Variants in PRR33 observed in about 807,000 individuals in gnomAD.
PRR33 encodes proline rich 33, also known as proline-rich protein 33.
In PRR33, 1 loss-of-function variant was observed where a neutral mutation model predicts 0.5. That is an observed-to-expected ratio of 2.18 (90% CI 0.77 to 10.34). PRR33 has a LOEUF of 10.34. Ranked by LOEUF, PRR33 falls within the 30% of genes most tolerant of loss-of-function variation. The pLI, the probability that PRR33 is intolerant of heterozygous loss-of-function variation, is 0.13. For missense variants in PRR33, 552 were observed against 251.8 expected (o/e 2.19, Z -8.07); for synonymous variants, 226 against 110.0 (o/e 2.06, Z -6.60).
chr11:1,890,554 C>T (rs918671834), exon 1 of PRR33: 11 of 712,198 alleles, frequency 1.5e-5, no homozygotes, highest in African/African-American at 7.0e-5. Flanking sequence ...CCGCACACCT[C>T]GGGTGCCATC....
chr11:1,900,613 T>C, the PRR33 span, among the ~76,000 whole-genome samples: 2 of 152,218 alleles, frequency 1.3e-5, no homozygotes, highest in Admixed American at 6.5e-5. Flanking sequence ...ACTCTGGAAA[T>C]GACGTAAAAT....
chr11:1,910,203 A>G, the PRR33 span, among the ~76,000 whole-genome samples: 2 of 151,476 alleles, frequency 1.3e-5, no homozygotes, highest in African/African-American at 4.8e-5. Flanking sequence ...CAAATGCCGG[A>G]CTGAGGGATG....
At chr11:1,889,293 GT>G in the PRR33 span, 339 of 699,668 alleles carry the variant, frequency 4.8e-4, 10 homozygotes, top group South Asian at 4.8e-3. Context: ...GGGCAGGCGG[GT>G]GAGGCTGGCT....
the PRR33 span, among the ~76,000 whole-genome samples, chr11:1,897,919 A>T: frequency 6.6e-6 from 1 of 152,232 alleles, no homozygotes; most frequent in East Asian, 1.9e-4. The surrounding 1 kb of genome is among the most constrained non-coding windows in gnomAD (Gnocchi z 4.0). Flanking sequence ...AATGTGAAGC[A>T]TGCTCCTTAG....
At chr11:1,915,047 AGTGT>A in the PRR33 span, among the ~76,000 whole-genome samples, 42 of 106,692 alleles carry the variant, frequency 3.9e-4, no homozygotes, top group African/African-American at 1.4e-3. Flanking sequence ...GATGTTTGTG[AGTGT>A]GTGTGTGTAT....
the PRR33 span, among the ~76,000 whole-genome samples, chr11:1,914,329 G>A: frequency 6.7e-6 from 1 of 148,498 alleles, no homozygotes; most frequent in Non-Finnish European, 1.5e-5. Context: ...CTCTCTGTGT[G>A]TCTGTATGTG....
At chr11:1,897,296 C>T in the PRR33 span, among the ~76,000 whole-genome samples, 73 of 152,192 alleles carry the variant, frequency 4.8e-4, no homozygotes, top group Non-Finnish European at 9.0e-4. The surrounding 1 kb of genome is among the most constrained non-coding windows in gnomAD (Gnocchi z 4.0). Flanking sequence ...CATTGGTGTC[C>T]CTGTCGCCAT....
the PRR33 span, among the ~76,000 whole-genome samples, chr11:1,898,579 G>A: frequency 6.6e-6 from 1 of 152,216 alleles, no homozygotes; most frequent in East Asian, 1.9e-4. Context: ...CCAAACCATG[G>A]AAAAAGAGGC....
At chr11:1,900,714 C>T in the PRR33 span, among the ~76,000 whole-genome samples, 22 of 152,154 alleles carry the variant, frequency 1.4e-4, no homozygotes, top group African/African-American at 4.6e-4. Context: ...AGCATATACC[C>T]GGATGTATCA....
At chr11:1,910,030 T>A in the PRR33 span, among the ~76,000 whole-genome samples, 15 of 152,354 alleles carry the variant, frequency 9.8e-5, no homozygotes, top group African/African-American at 3.6e-4. Context: ...GGTTGCTGTG[T>A]CCGGGACTTC....
the PRR33 span, among the ~76,000 whole-genome samples, chr11:1,900,222 C>A: frequency 1.3e-5 from 2 of 152,102 alleles, no homozygotes; most frequent in Non-Finnish European, 2.9e-5. Context: ...AATTTTGTTT[C>A]TCCAGTTCAG....
chr11:1,904,846 G>A, the PRR33 span, among the ~76,000 whole-genome samples: 7 of 151,556 alleles, frequency 4.6e-5, no homozygotes, highest in East Asian at 2.0e-4. Context: ...CTGTACTCCC[G>A]CTGCCTCTCT....
upstream of PRR33, among the ~76,000 whole-genome samples, chr11:1,893,966 T>C (rs1042169207): frequency 2.1e-5 from 3 of 142,256 alleles, no homozygotes; most frequent in African/African-American, 5.3e-5. Flanking sequence ...AAGGGATAGA[T>C]GAATGGATGG....
upstream of PRR33, among the ~76,000 whole-genome samples, chr11:1,893,618 G>A (rs562532457): frequency 1.3e-4 from 20 of 151,220 alleles, no homozygotes; most frequent in African/African-American, 4.4e-4. Flanking sequence ...ATGGGTAGGT[G>A]GGTGGGTGGA....
chr11:1,907,079 G>A, the PRR33 span, among the ~76,000 whole-genome samples: 6 of 152,366 alleles, frequency 3.9e-5, no homozygotes, highest in South Asian at 2.1e-4. Flanking sequence ...CACGGCCCAC[G>A]TGTGGGATCT....
At chr11:1,906,676 AG>A in the PRR33 span, among the ~76,000 whole-genome samples, 2 of 152,226 alleles carry the variant, frequency 1.3e-5, no homozygotes, top group Admixed American at 6.5e-5. Flanking sequence ...GCTGTTTCTG[AG>A]CCCCCCACCG....
the PRR33 span, among the ~76,000 whole-genome samples, chr11:1,908,528 G>A: frequency 1.3e-5 from 2 of 151,960 alleles, no homozygotes; most frequent in East Asian, 1.9e-4. Flanking sequence ...GAGGACCGTC[G>A]CTAAGTACTT....
At position 1,890,904 on chromosome 11, in the gene PRR33, C is replaced by T. The variant is rs1415626372; in HGVS notation, c.-320G>A. ...CAGCACAAAGCAGGCCCCAAGTACACAGCCTGGGTCAGGCCGCAACACCGT... is the reference window on the plus strand; with the variant it reads ...CAGCACAAAGCAGGCCCCAAGTACATAGCCTGGGTCAGGCCGCAACACCGT... On this transcript the variant is annotated 5_prime_UTR_variant, in exon 1 of 1. In the 5' UTR this introduces an upstream ATG that the reference lacks. Coordinates refer to ENST00000640310, the Ensembl canonical transcript of PRR33. 5.4e-5 allele frequency: 18 copies of T among 332,164 alleles called. No individual in the cohort carries two copies. The highest frequency in any genetic ancestry group is 1.0e-4 in the Non-Finnish European group (18 of 178,268). The allele number at this position is 332,164 out of a possible 1,614,324, so 20.6% of individuals were successfully genotyped here. A position where few individuals can be genotyped will look rare whatever the true frequency, so the allele number is the denominator to read the frequency against.
the PRR33 span, among the ~76,000 whole-genome samples, chr11:1,915,414 T>C: frequency 6.7e-6 from 1 of 149,428 alleles, no homozygotes; most frequent in South Asian, 2.2e-4. Context: ...TGTGTGTATG[T>C]TGTGCGGTCA....
Sources: gnomAD v4.1 joint callset for allele counts (sites outside exome capture counted in the v4.1 genomes callset) on GRCh38, gnomAD v4.1.1 for gene constraint, Gnocchi (gnomAD v3.1) non-coding constraint, MANE v1.5 for transcripts, NCBI Gene and HGNC (gene_info 2026-07-23, HGNC 2026-07-21) for gene names.